Variants in SCML4 observed in about 807,000 individuals in gnomAD.
SCML4 encodes the protein Scm polycomb group protein like 4, also known as sex comb on midleg-like protein 4.
A neutral mutation model predicts 41.1 loss-of-function variants in SCML4; 34 were observed. The observed-to-expected ratio is 0.83, with a 90% CI of 0.63 to 1.10. SCML4 has a LOEUF of 1.10. Among genes scored for constraint, SCML4 ranks in the 50% least tolerant of loss-of-function variants. The pLI, the probability that SCML4 is intolerant of heterozygous loss-of-function variation, is 0.00. For missense variants in SCML4, 522 were observed against 534.1 expected (o/e 0.98, Z 0.22); for synonymous variants, 214 against 220.9 (o/e 0.97, Z 0.28).
intron 1 of SCML4, among the ~76,000 whole-genome samples, chr6:107,806,257 A>T (rs573926898): frequency 2.0e-5 from 3 of 152,052 alleles, no homozygotes; most frequent in East Asian, 3.9e-4. Context: ...TGTTCAGCAC[A>T]TGCTCATCTG....
chr6:107,723,435 T>C (rs1583411415), intron 5 of SCML4, among the ~76,000 whole-genome samples: 1 of 152,200 alleles, frequency 6.6e-6, no homozygotes, highest in African/African-American at 2.4e-5. Flanking sequence ...GTATAGATAC[T>C]TGAAGCATGG....
intron 6 of SCML4, 58 bp downstream of exon 6, chr6:107,720,645 C>G: frequency 1.4e-6 from 2 of 1,462,370 alleles, no homozygotes; most frequent in Middle Eastern, 1.9e-4. Flanking sequence ...TGCTGTGCTC[C>G]CCGCGCAAGG....
intron 1 of SCML4, among the ~76,000 whole-genome samples, chr6:107,815,879 T>C (rs1371752090): frequency 6.7e-6 from 1 of 150,330 alleles, no homozygotes; most frequent in African/African-American, 2.5e-5. Context: ...AAAAGCTTAC[T>C]GCTTTAAAAG....
At chr6:107,845,087 A>G in the SCML4 span, among the ~76,000 whole-genome samples, 1 of 151,942 alleles carries the variant, frequency 6.6e-6, no homozygotes, top group Non-Finnish European at 1.5e-5. Context: ...AGTACAAAAA[A>G]TTAGCCGGGC....
At chr6:107,835,990 G>C in the SCML4 span, among the ~76,000 whole-genome samples, 2 of 152,102 alleles carry the variant, frequency 1.3e-5, no homozygotes, top group Non-Finnish European at 2.9e-5. Context: ...ATTTCAGCCA[G>C]TTTGTGGTTG....
the SCML4 span, among the ~76,000 whole-genome samples, chr6:107,831,411 C>CCAAAAAAAAAAAA: frequency 1.9e-5 from 2 of 107,504 alleles, 1 homozygote; most frequent in Non-Finnish European, 3.7e-5. Flanking sequence ...TTTTCATTCT[C>CCAAAAAAAAAAAA]AAAAAAAAAA....
At chr6:107,748,113 C>G (rs1187981324) in intron 3 of SCML4, among the ~76,000 whole-genome samples, 1 of 152,178 alleles carries the variant, frequency 6.6e-6, no homozygotes, top group African/African-American at 2.4e-5. Flanking sequence ...TGACATGGTA[C>G]AGCATTGTCT....
chr6:107,742,555 A>G (rs1427622655), intron 5 of SCML4, among the ~76,000 whole-genome samples: 2 of 152,198 alleles, frequency 1.3e-5, no homozygotes, highest in Non-Finnish European at 2.9e-5. Context: ...AACAAAAAAG[A>G]AGCAAATGAC....
upstream of SCML4, among the ~76,000 whole-genome samples, chr6:107,827,799 G>A (rs769120315): frequency 2.8e-4 from 42 of 152,310 alleles, no homozygotes; most frequent in Non-Finnish European, 4.4e-4. Context: ...ATTTGGGGGC[G>A]TCCCAAATGC....
the SCML4 span, among the ~76,000 whole-genome samples, chr6:107,841,135 C>A: frequency 7.5e-6 from 1 of 133,062 alleles, no homozygotes; most frequent in Non-Finnish European, 1.6e-5. Context: ...TATTGACCAA[C>A]AGCAGTAACT....
chr6:107,772,122 C>G, intron 2 of SCML4, 50 bp downstream of exon 2: 5 of 1,490,304 alleles, frequency 3.4e-6, no homozygotes, highest in Non-Finnish European at 4.5e-6. Context: ...GACCAAGTAC[C>G]CGTGCCCCAG....
At chr6:107,739,341 G>A (rs1777373131) in intron 5 of SCML4, among the ~76,000 whole-genome samples, 1 of 151,654 alleles carries the variant, frequency 6.6e-6, no homozygotes, top group Non-Finnish European at 1.5e-5. Flanking sequence ...TCATATACTG[G>A]AACATAAAAT....
intron 6 of SCML4, among the ~76,000 whole-genome samples, chr6:107,712,306 T>C (rs1774296149): frequency 6.6e-6 from 1 of 152,164 alleles, no homozygotes; most frequent in Non-Finnish European, 1.5e-5. Flanking sequence ...TTTCCTGCAT[T>C]TGACAGGAAG....
the SCML4 span, among the ~76,000 whole-genome samples, chr6:107,836,597 T>A: frequency 6.6e-6 from 1 of 152,208 alleles, no homozygotes; most frequent in Non-Finnish European, 1.5e-5. Context: ...CACCGCCTGG[T>A]TCAGTGATGA....
intron 7 of SCML4, among the ~76,000 whole-genome samples, chr6:107,707,043 AAT>A: frequency 6.6e-6 from 1 of 152,194 alleles, no homozygotes; most frequent in Admixed American, 6.5e-5. Flanking sequence ...CACAATATAA[AAT>A]GAGTACAGTG....
At chr6:107,731,394 A>G (rs1776528559) in intron 5 of SCML4, among the ~76,000 whole-genome samples, 2 of 152,352 alleles carry the variant, frequency 1.3e-5, no homozygotes, top group South Asian at 4.1e-4. Flanking sequence ...CTCACATAAT[A>G]CCTATTAAGG....
At chr6:107,836,249 C>T in the SCML4 span, among the ~76,000 whole-genome samples, 1 of 152,116 alleles carries the variant, frequency 6.6e-6, no homozygotes, top group Non-Finnish European at 1.5e-5. Context: ...ATTGAGTTCT[C>T]ATTTGAAAAT....
At chr6:107,720,229 T>G in intron 6 of SCML4, 1 of 692,750 alleles carries the variant, frequency 1.4e-6, no homozygotes, top group Non-Finnish European at 1.8e-6. Flanking sequence ...GCCAATGAGA[T>G]GTGAGTGGAA....
intron 5 of SCML4, among the ~76,000 whole-genome samples, chr6:107,726,532 C>CAAAAAAAAAAAA (rs59013088): frequency 2.5e-4 from 18 of 72,374 alleles, no homozygotes; most frequent in African/African-American, 4.4e-4. Flanking sequence ...GACTCCATCT[C>CAAAAAAAAAAAA]AAAAAAAAAA....
Sources: gnomAD v4.1 joint callset for allele counts (sites outside exome capture counted in the v4.1 genomes callset) on GRCh38, gnomAD v4.1.1 for gene constraint, MANE v1.5 for transcripts, NCBI Gene and HGNC (gene_info 2026-07-23, HGNC 2026-07-21) for gene names.